MAD1L1: variants seen among roughly 807,000 people sequenced by gnomAD.
MAD1L1 encodes mitotic arrest deficient 1 like 1, also known as mitotic spindle assembly checkpoint protein MAD1.
In MAD1L1, 95 loss-of-function variants were observed where a neutral mutation model predicts 96.9. That is an observed-to-expected ratio of 0.98 (90% CI 0.83 to 1.16). The LOEUF is 1.16. MAD1L1 is among the 50% of genes most tolerant of loss of function. The probability of loss-of-function intolerance (pLI) is 0.00; values close to 1 mark genes in which losing one functional copy is unlikely to be tolerated. For missense variants in MAD1L1, 1,007 were observed against 954.4 expected, an observed-to-expected ratio of 1.06 and a Z score of -0.73; for synonymous variants, 473 against 396.6, an observed-to-expected ratio of 1.19 and a Z score of -2.29.
In MAD1L1 at chr7:1,854,829, C is replaced by T. The variant is rs114983782; in HGVS notation, c.1999-38601G>A. Among the ~76,000 whole-genome samples the T allele has an allele frequency of 3.3e-3, 507 of 152,334 alleles. 3 individuals are homozygous for T. The highest frequency in any genetic ancestry group is 0.011 in the African/African-American group (463 of 41,566). ...GAGACAAAGGCAGGACAGGAGGGGA[C>T]GGACGCTCCCATTTCAAAAGGGGGA... On this transcript the variant is annotated intron_variant, in intron 18 of 18. Coordinates refer to ENST00000265854, the MANE Select transcript of MAD1L1 (RefSeq NM_001013836.2).
At chr7:2,187,319 A>G (rs1310128717) in intron 10 of MAD1L1, among the ~76,000 whole-genome samples, 1 of 151,792 alleles carries the variant, frequency 6.6e-6, no homozygotes. Context: ...ACTGTACTCA[A>G]GCCTGGGTGA....
intron 10 of MAD1L1, among the ~76,000 whole-genome samples, chr7:2,181,660 C>A (rs1004922212): frequency 1.3e-5 from 2 of 152,168 alleles, no homozygotes; most frequent in African/African-American, 4.8e-5. Flanking sequence ...AGTAGAGCTA[C>A]CGTTTGAGAC....
At chr7:1,962,385 G>A (rs1458768566) in intron 15 of MAD1L1, among the ~76,000 whole-genome samples, 1 of 152,122 alleles carries the variant, frequency 6.6e-6, no homozygotes, top group African/African-American at 2.4e-5. Flanking sequence ...CTCAGTCCGG[G>A]TATGTCTTTA....
At chr7:1,856,428 G>A (rs1311025822) in intron 18 of MAD1L1, among the ~76,000 whole-genome samples, 1 of 152,238 alleles carries the variant, frequency 6.6e-6, no homozygotes, top group Non-Finnish European at 1.5e-5. Context: ...CCCCTGCCGG[G>A]GTTGGGGGAT....
At chr7:2,090,412 C>T (rs1786149316) in intron 11 of MAD1L1, among the ~76,000 whole-genome samples, 1 of 152,206 alleles carries the variant, frequency 6.6e-6, no homozygotes. Context: ...TTTGGAACGA[C>T]TAGGTGTACA....
At chr7:1,824,570 G>C (rs1448403575) in intron 18 of MAD1L1, among the ~76,000 whole-genome samples, 1 of 152,128 alleles carries the variant, frequency 6.6e-6, no homozygotes, top group Non-Finnish European at 1.5e-5. Flanking sequence ...TCCCCACCTC[G>C]CTGCAGCAGG....
At chr7:1,878,542 A>G (rs1785503018) in intron 18 of MAD1L1, among the ~76,000 whole-genome samples, 1 of 150,892 alleles carries the variant, frequency 6.6e-6, no homozygotes, top group Non-Finnish European at 1.5e-5. Context: ...CAACAGAATA[A>G]TTAAGTTCAT....
chr7:1,882,027 G>A (rs947798382), intron 18 of MAD1L1, among the ~76,000 whole-genome samples: 2 of 152,190 alleles, frequency 1.3e-5, no homozygotes, highest in East Asian at 1.9e-4. Flanking sequence ...CTAAGGGACC[G>A]AGAATCACTC....
Position 1,907,765 on chromosome 7 carries a change from C to T in MAD1L1, c.1808-9375G>A, listed in dbSNP as rs73048149. 6.1e-3 allele frequency among the ~76,000 whole-genome samples: 932 copies of T among 152,384 alleles called. 1 individual carries two copies. The highest frequency in any genetic ancestry group is 0.01 in the Admixed American group (156 of 15,308). On this transcript the variant is annotated intron_variant, in intron 17 of 18. Coordinates refer to ENST00000265854, the MANE Select transcript of MAD1L1 (RefSeq NM_001013836.2). ...CGTGTTCCTCTTAATAAAACACATC[C>T]CTGTGTCGTCAACAACCACTTGGCT...
chr7:2,221,335 G>A (rs1793597074), intron 5 of MAD1L1, among the ~76,000 whole-genome samples: 1 of 152,204 alleles, frequency 6.6e-6, no homozygotes, highest in South Asian at 2.1e-4. Flanking sequence ...GCATGGGCAA[G>A]GCAAGAGCAG....
chr7:2,063,062 T>C (rs1784731339), intron 12 of MAD1L1, among the ~76,000 whole-genome samples: 1 of 152,244 alleles, frequency 6.6e-6, no homozygotes, highest in African/African-American at 2.4e-5. Flanking sequence ...GGGACTGCTC[T>C]ACGTTTAGAG....
chr7:1,988,485 C>T (rs867523326), intron 14 of MAD1L1, among the ~76,000 whole-genome samples: 6 of 152,190 alleles, frequency 3.9e-5, no homozygotes, highest in African/African-American at 1.4e-4. Flanking sequence ...AAAGCCAGGC[C>T]TGGGGACAAG....
At chr7:1,926,549 A>C (rs1789099555) in intron 17 of MAD1L1, among the ~76,000 whole-genome samples, 1 of 152,244 alleles carries the variant, frequency 6.6e-6, no homozygotes, top group Non-Finnish European at 1.5e-5. Flanking sequence ...CCAGGAATGC[A>C]GAGTTGGCTC....
At chr7:2,126,587 G>A (rs111861902) in intron 11 of MAD1L1, among the ~76,000 whole-genome samples, 9 of 152,272 alleles carry the variant, frequency 5.9e-5, no homozygotes, top group South Asian at 2.1e-4. Flanking sequence ...GGCCGATGCC[G>A]CCAGCCTTCC....
At chr7:2,110,180 G>A (rs1047545199) in intron 11 of MAD1L1, among the ~76,000 whole-genome samples, 1 of 152,218 alleles carries the variant, frequency 6.6e-6, no homozygotes, top group Admixed American at 6.5e-5. Context: ...GCAGCACCTC[G>A]AAGATTCTTG....
At chr7:1,867,747 G>C (rs1191278394) in intron 18 of MAD1L1, among the ~76,000 whole-genome samples, 2 of 152,238 alleles carry the variant, frequency 1.3e-5, no homozygotes, top group African/African-American at 4.8e-5. Flanking sequence ...GGGTGGCACA[G>C]GGAGGTGACA....
intron 17 of MAD1L1, among the ~76,000 whole-genome samples, chr7:1,902,490 C>T (rs1284024800): frequency 1.3e-5 from 2 of 152,190 alleles, no homozygotes; most frequent in African/African-American, 2.4e-5. Context: ...TCTCTACATC[C>T]TCTTTACTCC....
At chr7:2,003,860 AG>A (rs1160612642) in intron 13 of MAD1L1, among the ~76,000 whole-genome samples, 2 of 152,138 alleles carry the variant, frequency 1.3e-5, no homozygotes, top group Non-Finnish European at 2.9e-5. Context: ...GCCTAGGAGC[AG>A]CACACTGCCC....
chr7:2,034,822 C>G (rs980547412), intron 12 of MAD1L1, among the ~76,000 whole-genome samples: 54 of 152,240 alleles, frequency 3.5e-4, no homozygotes, highest in African/African-American at 1.3e-3. Flanking sequence ...GGTGCTACCT[C>G]TGGGTGCAGG....
Sources: allele counts gnomAD v4.1 joint callset (sites outside exome capture counted in the v4.1 genomes callset), GRCh38; gene constraint gnomAD v4.1.1; transcripts MANE v1.5; gene names NCBI Gene and HGNC (gene_info 2026-07-23, HGNC 2026-07-21).